COPB2: variants seen among roughly 807,000 people sequenced by gnomAD.
COPB2 encodes coat protein complex I subunit beta 2.
A neutral mutation model predicts 120.8 loss-of-function variants in COPB2; 16 were observed. The observed-to-expected ratio is 0.13, with a 90% CI of 0.09 to 0.20. The LOEUF (loss-of-function observed/expected upper bound fraction) is 0.20. COPB2 is among the 10% of genes least tolerant of loss of function. The pLI, the probability that COPB2 is intolerant of heterozygous loss-of-function variation, is 1.00. For synonymous variants in COPB2, 332 were observed against 366.3 expected (o/e 0.91, Z 1.07); for missense variants, 794 against 1,076.5 (o/e 0.74, Z 3.67).
intron 16 of COPB2, among the ~76,000 whole-genome samples, chr3:139,362,165 T>A (rs550780686): frequency 5.3e-5 from 8 of 152,160 alleles, no homozygotes; most frequent in African/African-American, 1.9e-4. Flanking sequence ...ACATAAGATA[T>A]GAAAACAATT....
At chr3:139,378,010 T>C in intron 5 of COPB2, 31 bp downstream of exon 5, 1 of 1,499,904 alleles carries the variant, frequency 6.7e-7, no homozygotes, top group Non-Finnish European at 9.1e-7. Context: ...TCACTAATAA[T>C]GATAACTGAC....
At chr3:139,374,304 T>C (rs1183558678) in intron 7 of COPB2, 185 bp downstream of exon 7, 8 of 493,822 alleles carry the variant, frequency 1.6e-5, no homozygotes, top group Non-Finnish European at 2.6e-5. Flanking sequence ...ATGACGATGA[T>C]GATGATGATG....
intron 9 of COPB2, among the ~76,000 whole-genome samples, 194 bp from the exon 10 acceptor site, chr3:139,372,027 T>C (rs913038539): frequency 6.6e-6 from 1 of 152,168 alleles, no homozygotes; most frequent in Non-Finnish European, 1.5e-5. Flanking sequence ...AGCCAACAAA[T>C]TGAAAAGGAA....
Position 139,371,767 on chromosome 3 carries a change from G to C in COPB2, c.1161C>G (p.Ser387Arg). 2 of 1,613,898 alleles carry C rather than the reference G, an allele frequency of 1.2e-6. No homozygotes were observed. The highest frequency in any genetic ancestry group is 1.7e-6 in the Non-Finnish European group (2 of 1,179,926). Reference sequence around the variant, plus strand: ...ATGCAAACTCCTGAGCAGATCCAAAGCTCTTGTTTCTCAATGCCATTGCTG... The same window carrying C: ...ATGCAAACTCCTGAGCAGATCCAAACCTCTTGTTTCTCAATGCCATTGCTG... ...IYTAMALRNK[S>R]FGSAQEFAWA... The change falls in exon 10 of 22, where the codon AGC (serine) becomes AGG (arginine). Residue 387 changes from serine (S) to arginine (R), a missense_variant. By Grantham distance (110) the Ser-to-Arg change is moderately radical (BLOSUM62 -1). Around this residue, in one of 3 missense-constraint regions of COPB2, gnomAD observed 610 missense variants for 866.7 expected, o/e 0.70. Transcript: ENST00000333188.
intron 5 of COPB2, among the ~76,000 whole-genome samples, chr3:139,376,522 A>G (rs1453473338): frequency 6.6e-6 from 1 of 152,216 alleles, no homozygotes; most frequent in Non-Finnish European, 1.5e-5. Flanking sequence ...AACCTAAATT[A>G]GTAAAAATAA....
At chr3:139,386,413 TC>T (rs1361829818) in intron 1 of COPB2, among the ~76,000 whole-genome samples, 1 of 151,948 alleles carries the variant, frequency 6.6e-6, no homozygotes, top group African/African-American at 2.4e-5. Flanking sequence ...TGCCACCATG[TC>T]CAGCTAATTT....
Position 139,358,573 on chromosome 3 carries a change from C to T in COPB2, c.2553+171G>A, listed in dbSNP as rs1844977. On this transcript the variant is annotated intron_variant, in intron 20 of 21. Coordinates refer to ENST00000333188, the MANE Select transcript of COPB2 (RefSeq NM_004766.3). ...GGCGCCTGTAATTACCCCAGCTACT[C>T]GGGAGGCTGAGGCAGGAGAATGGCG... The T allele has an allele frequency of 0.92, 563,256 of 614,456 alleles. 258,362 individuals are homozygous for T. Among genetic ancestry groups the T allele is most frequent in the East Asian group, 0.96 (35,025 of 36,354 alleles). 38.1% of individuals were successfully genotyped at this position (614,456 alleles called of 1,614,324 possible). A position where few individuals can be genotyped will look rare whatever the true frequency, so the allele number is the denominator to read the frequency against.
Position 139,361,077 on chromosome 3 carries a change from T to C in COPB2, c.2210+4A>G. On this transcript the variant is annotated splice_donor_region_variant and intron_variant, in intron 17 of 21. Coordinates refer to ENST00000333188, the MANE Select transcript of COPB2 (RefSeq NM_004766.3). ...ATTAATTAATCTTTTAAATTAATAC[T>C]CACTTGCCCTGTAAAAAGTAGCTCA... The C allele has an allele frequency of 1.2e-6, 2 of 1,613,736 alleles. No homozygotes were observed. Among genetic ancestry groups the C allele is most frequent in the Non-Finnish European group, 1.7e-6 (2 of 1,179,668 alleles).
chr3:139,378,957 T>C (rs371638709), intron 4 of COPB2, 90 bp downstream of exon 4: 11 of 1,339,572 alleles, frequency 8.2e-6, no homozygotes, highest in Middle Eastern at 3.9e-4. Context: ...AGAATTATAT[T>C]TGTAACAGCA....
chr3:139,389,012 C>T (rs776511951), intron 1 of COPB2, among the ~76,000 whole-genome samples: 34 of 152,116 alleles, frequency 2.2e-4, no homozygotes, highest in African/African-American at 8.0e-4. Context: ...ACAGCACCCC[C>T]TTCCTCCCAA....
At chr3:139,384,149 G>A (rs754508177) in intron 1 of COPB2, among the ~76,000 whole-genome samples, 4 of 152,174 alleles carry the variant, frequency 2.6e-5, no homozygotes, top group East Asian at 3.8e-4. Context: ...ATCTGAAACC[G>A]TATCAATAAG....
intron 3 of COPB2, 46 bp downstream of exon 3, chr3:139,379,334 T>C: frequency 6.3e-7 from 1 of 1,590,474 alleles, no homozygotes; most frequent in Non-Finnish European, 8.6e-7. Flanking sequence ...ACACAATCAT[T>C]GACCAATTCA....
chr3:139,379,060 A>G lies in COPB2; in HGVS notation c.342T>C (p.Ile114=), dbSNP rs74860267. 11,049 of 1,599,032 alleles carry G rather than the reference A, an allele frequency of 6.9e-3. 80 individuals carry two copies. Among genetic ancestry groups the G allele is most frequent in the East Asian group, 0.033 (1,479 of 44,750 alleles). ...CIAVHPTQPF[I]LTSSDDMLIK... The stretch of plus-strand genomic sequence containing the variant: ...GTCATCTCTTACCACTGCTAGTTAG[A>G]ATGAAAGGCTGGGTTGGATGAACAG... Residue 114 remains isoleucine (I), a synonymous_variant, in exon 4 of 22, where the codon ATT becomes ATC. Transcript: ENST00000333188.
chr3:139,362,080 T>G (rs1941429615), intron 16 of COPB2, among the ~76,000 whole-genome samples: 1 of 152,238 alleles, frequency 6.6e-6, no homozygotes. Flanking sequence ...ATAACTGCTA[T>G]GTCTGTACTC....
intron 21 of COPB2, 68 bp downstream of exon 21, chr3:139,358,132 G>C: frequency 7.2e-7 from 1 of 1,389,150 alleles, no homozygotes; most frequent in Admixed American, 1.7e-5. Flanking sequence ...AGAGGCCTAC[G>C]TATCCTCCAG....
chr3:139,359,731 G>A (rs1941374402), intron 17 of COPB2, among the ~76,000 whole-genome samples: 2 of 152,266 alleles, frequency 1.3e-5, no homozygotes, highest in Admixed American at 1.3e-4. Flanking sequence ...AACATGGGAA[G>A]GGCCAGACAA....
chr3:139,375,446 G>T (rs751002960), intron 6 of COPB2, 22 bp downstream of exon 6: 1 of 1,606,004 alleles, frequency 6.2e-7, no homozygotes, highest in East Asian at 2.2e-5. Flanking sequence ...ACATATGGAA[G>T]TAAGGTTATG....
At chr3:139,367,769 A>T (rs1181640689) in intron 13 of COPB2, among the ~76,000 whole-genome samples, 1 of 152,234 alleles carries the variant, frequency 6.6e-6, no homozygotes, top group Non-Finnish European at 1.5e-5. Flanking sequence ...GACCCTTCAT[A>T]ACATGACAAT....
chr3:139,379,549 T>C, intron 2 of COPB2, 83 bp from the exon 3 acceptor site: 1 of 1,102,238 alleles, frequency 9.1e-7, no homozygotes, highest in Non-Finnish European at 1.3e-6. Context: ...AAACATCCAA[T>C]TTTTAAGATC....
Sources: allele counts gnomAD v4.1 joint callset (sites outside exome capture counted in the v4.1 genomes callset), GRCh38; gene constraint gnomAD v4.1.1; regional missense constraint gnomAD v4.1.1; transcripts MANE v1.5; gene names NCBI Gene and HGNC (gene_info 2026-07-23, HGNC 2026-07-21).